Variants in HS3ST3B1 observed in about 807,000 individuals in gnomAD.
HS3ST3B1 encodes heparan sulfate glucosamine 3-O-sulfotransferase 3B1.
A neutral mutation model predicts 21.3 loss-of-function variants in HS3ST3B1; 13 were observed. The ratio of observed to expected loss-of-function variants is 0.61; its 90% CI spans 0.40 to 0.97. The LOEUF (loss-of-function observed/expected upper bound fraction) is 0.97, where lower values mean the gene tolerates loss of function less well. Among genes scored for constraint, HS3ST3B1 ranks in the 50% least tolerant of loss-of-function variants. HS3ST3B1 has a pLI of 0.00. For synonymous variants in HS3ST3B1, 234 were observed against 254.8 expected (o/e 0.92, Z 0.78); for missense variants, 459 against 554.8 (o/e 0.83, Z 1.73).
intron 1 of HS3ST3B1, among the ~76,000 whole-genome samples, chr17:14,338,336 G>A (rs1394834951): frequency 6.6e-6 from 1 of 151,664 alleles, no homozygotes; most frequent in African/African-American, 2.4e-5. Flanking sequence ...ATGTTAGCCA[G>A]GACGGTCTCG....
chr17:14,308,627 A>C (rs1327708850), intron 1 of HS3ST3B1, among the ~76,000 whole-genome samples: 1 of 152,244 alleles, frequency 6.6e-6, no homozygotes, highest in East Asian at 1.9e-4. Context: ...CGGACAGTAA[A>C]AAAAAGTACA....
chr17:14,334,391 T>C (rs1480622917), intron 1 of HS3ST3B1, among the ~76,000 whole-genome samples: 1 of 152,120 alleles, frequency 6.6e-6, no homozygotes, highest in African/African-American at 2.4e-5. Flanking sequence ...GCTTAGGCTG[T>C]AGTGCAGTGA....
At chr17:14,302,969 C>G (rs1908992596) in intron 1 of HS3ST3B1, among the ~76,000 whole-genome samples, 1 of 152,176 alleles carries the variant, frequency 6.6e-6, no homozygotes, top group Non-Finnish European at 1.5e-5. Context: ...AAATTCTGTT[C>G]TCGAGTCGGG....
chr17:14,317,683 T>G (rs1304237694), intron 1 of HS3ST3B1, among the ~76,000 whole-genome samples: 1 of 151,776 alleles, frequency 6.6e-6, no homozygotes, highest in Admixed American at 6.6e-5. Context: ...GGTGAAACAG[T>G]GAGGGTGCCT....
In HS3ST3B1 at chr17:14,301,815, T is replaced by C; in HGVS notation, c.297T>C (p.Ala99=). 6.4e-7 allele frequency: 1 copy of C among 1,562,344 alleles called. No homozygotes were observed. Among genetic ancestry groups the C allele is most frequent in the South Asian group, 1.2e-5 (1 of 85,032 alleles). The change falls in exon 1 of 2, where the codon GCT becomes GCC. Residue 99 remains alanine, a synonymous_variant. Transcript: ENST00000360954. The part of the protein sequence containing the change: ...PFRAPPATPL[A]SGKEMAEGAA... ...GGGCGCCGCCAGCCACCCCACTGGC[T>C]TCAGGCAAGGAGATGGCCGAGGGCG...
chr17:14,321,493 G>C (rs867277760), intron 1 of HS3ST3B1, among the ~76,000 whole-genome samples: 1 of 152,150 alleles, frequency 6.6e-6, no homozygotes, highest in Admixed American at 6.5e-5. Flanking sequence ...TTATTTAAAG[G>C]GAAGAAGGAG....
rs1488566980 is a variant in HS3ST3B1, at chr17:14,302,087, C to T, written c.554+15C>T. 1.9e-6 allele frequency: 3 copies of T among 1,583,082 alleles called. No homozygotes were observed. The highest frequency in any genetic ancestry group is 1.7e-4 in the Middle Eastern group (1 of 6,030). On this transcript the variant is annotated intron_variant, in intron 1 of 1. Transcript: ENST00000360954. ...GCTTGGTACCGGTGAGTTTCCCTGC[C>T]AGGGGCAGGGTCTCCATCGTCGATT...
chr17:14,318,792 G>C (rs1909574474), intron 1 of HS3ST3B1, among the ~76,000 whole-genome samples: 1 of 152,192 alleles, frequency 6.6e-6, no homozygotes, highest in African/African-American at 2.4e-5. Context: ...TTATTTTTGG[G>C]ATGGTGTTTT....
At chr17:14,317,061 A>C (rs1269127874) in intron 1 of HS3ST3B1, among the ~76,000 whole-genome samples, 1 of 152,234 alleles carries the variant, frequency 6.6e-6, no homozygotes, top group African/African-American at 2.4e-5. Flanking sequence ...TGGCAAGGAC[A>C]TTTCACATGG....
intron 1 of HS3ST3B1, among the ~76,000 whole-genome samples, chr17:14,316,760 C>T (rs988341722): frequency 1.3e-5 from 2 of 152,220 alleles, no homozygotes; most frequent in African/African-American, 4.8e-5. Flanking sequence ...GAAAAGTGTC[C>T]TGCAGTTCAC....
intron 1 of HS3ST3B1, among the ~76,000 whole-genome samples, chr17:14,331,173 G>A (rs1909999108): frequency 6.6e-6 from 1 of 152,012 alleles, no homozygotes; most frequent in African/African-American, 2.4e-5. Flanking sequence ...TAGGACACAG[G>A]ATCATTGATT....
intron 1 of HS3ST3B1, among the ~76,000 whole-genome samples, chr17:14,335,785 A>G (rs1436541700): frequency 2.0e-5 from 3 of 152,194 alleles, no homozygotes; most frequent in Non-Finnish European, 4.4e-5. Flanking sequence ...CAAAACAAGG[A>G]TTTGGGCAAC....
intron 1 of HS3ST3B1, among the ~76,000 whole-genome samples, chr17:14,319,125 G>T (rs577515553): frequency 3.3e-4 from 50 of 152,282 alleles, no homozygotes; most frequent in African/African-American, 1.2e-3. Context: ...AGACAGCAGC[G>T]GTCTGGGCTG....
At chr17:14,336,236 T>C (rs2142348878) in intron 1 of HS3ST3B1, among the ~76,000 whole-genome samples, 1 of 152,338 alleles carries the variant, frequency 6.6e-6, no homozygotes, top group African/African-American at 2.4e-5. Context: ...GGCATCTGTT[T>C]GCCTGTTGTG....
At chr17:14,315,299 A>G (rs967287479) in intron 1 of HS3ST3B1, among the ~76,000 whole-genome samples, 5 of 152,220 alleles carry the variant, frequency 3.3e-5, no homozygotes, top group African/African-American at 1.2e-4. Context: ...GTCCTATTGC[A>G]TGTGATGAGC....
chr17:14,337,471 GA>G (rs1910221390), intron 1 of HS3ST3B1, among the ~76,000 whole-genome samples: 1 of 151,484 alleles, frequency 6.6e-6, no homozygotes, highest in Non-Finnish European at 1.5e-5. Context: ...GGAATTACAG[GA>G]GCCCGCCATC....
At chr17:14,308,836 A>G (rs1909211030) in intron 1 of HS3ST3B1, among the ~76,000 whole-genome samples, 1 of 152,172 alleles carries the variant, frequency 6.6e-6, no homozygotes, top group Admixed American at 6.5e-5. Context: ...AGGATTCAGA[A>G]TCCCTGTTTT....
chr17:14,342,286 C>A (rs770299618), intron 1 of HS3ST3B1, among the ~76,000 whole-genome samples: 1 of 151,974 alleles, frequency 6.6e-6, no homozygotes, highest in South Asian at 2.1e-4. Context: ...AGGCAGGAAT[C>A]AGTTGGAAAT....
chr17:14,318,153 G>A (rs1909555829), intron 1 of HS3ST3B1, among the ~76,000 whole-genome samples: 1 of 152,136 alleles, frequency 6.6e-6, no homozygotes, highest in African/African-American at 2.4e-5. Flanking sequence ...GAAGTACTGA[G>A]GGAAAGAGAG....
Sources: gnomAD v4.1 joint callset for allele counts (sites outside exome capture counted in the v4.1 genomes callset) on GRCh38, gnomAD v4.1.1 for gene constraint, MANE v1.5 for transcripts, NCBI Gene and HGNC (gene_info 2026-07-23, HGNC 2026-07-21) for gene names.